The following DLGAP4 variants were observed in gnomAD, a reference collection of about 807,000 sequenced individuals.
The protein encoded by DLGAP4 is DLG associated protein 4, also known as disks large-associated protein 4.
A neutral mutation model predicts 86.9 loss-of-function variants in DLGAP4; 18 were observed. That is an observed-to-expected ratio of 0.21 (90% CI 0.14 to 0.31). DLGAP4 has a LOEUF of 0.31. Ranked by LOEUF, DLGAP4 falls within the 10% of genes least tolerant of loss-of-function variation. The pLI is 1.00. For synonymous variants in DLGAP4, 548 were observed against 574.3 expected, an observed-to-expected ratio of 0.95 and a Z score of 0.65; for missense variants, 1,085 against 1,362.6, an observed-to-expected ratio of 0.80 and a Z score of 3.21.
chr20:36,499,524 G>A, intron 8 of DLGAP4, 64 bp from the exon 9 acceptor site: 1 of 1,515,590 alleles, frequency 6.6e-7, no homozygotes, highest in Non-Finnish European at 9.1e-7. Flanking sequence ...AGCAGCAAGT[G>A]TGGTGTTTGT....
chr20:36,446,585 G>A (rs1328035537), intron 6 of DLGAP4, 112 bp from the exon 7 acceptor site: 16 of 990,856 alleles, frequency 1.6e-5, no homozygotes, highest in Non-Finnish European at 1.0e-5. Flanking sequence ...GGGGTGGGCT[G>A]AGGTCAGACC....
chr20:36,376,903 C>T (rs189818579), intron 2 of DLGAP4, among the ~76,000 whole-genome samples: 32 of 152,246 alleles, frequency 2.1e-4, no homozygotes, highest in Non-Finnish European at 3.5e-4. Context: ...AGGTTCTCCA[C>T]GGTGCCTGGC....
intron 10 of DLGAP4, chr20:36,512,727 T>C (rs1379110724): frequency 6.6e-6 from 1 of 152,120 alleles, no homozygotes; most frequent in Non-Finnish European, 1.5e-5. Flanking sequence ...AGCAGAAACC[T>C]GAAGAGAGGG....
At chr20:36,476,070 G>T (rs1347112636) in intron 7 of DLGAP4, among the ~76,000 whole-genome samples, 1 of 151,914 alleles carries the variant, frequency 6.6e-6, no homozygotes, top group Non-Finnish European at 1.5e-5. Context: ...TGTTGGCCAG[G>T]CTGGTCTCAA....
chr20:36,411,971 T>C (rs1392458787), intron 2 of DLGAP4, among the ~76,000 whole-genome samples: 1 of 152,234 alleles, frequency 6.6e-6, no homozygotes, highest in Non-Finnish European at 1.5e-5. Flanking sequence ...TATTAATCTC[T>C]GTCTTCACTG....
intron 10 of DLGAP4, among the ~76,000 whole-genome samples, chr20:36,513,229 T>G (rs114813040): frequency 0.011 from 1,686 of 151,948 alleles, 31 homozygotes; most frequent in African/African-American, 0.034. Context: ...CAGTTCTGAG[T>G]GCTGCAACTT....
chr20:36,314,365 T>TGGAGGGA, intron 1 of DLGAP4, among the ~76,000 whole-genome samples: 4 of 26 alleles, frequency 0.15, no homozygotes, highest in African/African-American at 0.5. Context: ...GTGTGGTGTG[T>TGGAGGGA]GTGTGGNNNN....
At chr20:36,421,719 G>A (rs1427106715) in intron 2 of DLGAP4, among the ~76,000 whole-genome samples, 3 of 152,056 alleles carry the variant, frequency 2.0e-5, no homozygotes, top group Non-Finnish European at 4.4e-5. Flanking sequence ...GGAGGATGAT[G>A]TTGTCATGAG....
At chr20:36,359,361 C>T (rs1379645015) in intron 1 of DLGAP4, among the ~76,000 whole-genome samples, 4 of 152,222 alleles carry the variant, frequency 2.6e-5, no homozygotes, top group South Asian at 4.1e-4. Flanking sequence ...ACGTGGCTCA[C>T]GGCCACCCTA....
At chr20:36,368,708 A>G (rs2030795180) in intron 2 of DLGAP4, among the ~76,000 whole-genome samples, 1 of 152,230 alleles carries the variant, frequency 6.6e-6, no homozygotes, top group South Asian at 2.1e-4. Context: ...TATTGTGCTC[A>G]AGGAATGCAA....
intron 7 of DLGAP4, among the ~76,000 whole-genome samples, chr20:36,450,392 G>A (rs2147586958): frequency 6.6e-6 from 1 of 152,298 alleles, no homozygotes; most frequent in East Asian, 1.9e-4. Context: ...CAGCTACTCA[G>A]GAGGCTGAGG....
At chr20:36,488,073 G>A (rs1600635171) in intron 7 of DLGAP4, among the ~76,000 whole-genome samples, 5 of 151,854 alleles carry the variant, frequency 3.3e-5, no homozygotes, top group South Asian at 2.1e-4. Context: ...GGTGGCGCGC[G>A]CCTATAATCC....
At chr20:36,325,969 C>A (rs2065212259) in intron 1 of DLGAP4, among the ~76,000 whole-genome samples, 1 of 152,104 alleles carries the variant, frequency 6.6e-6, no homozygotes, top group South Asian at 2.1e-4. Flanking sequence ...CCTCCCAGCT[C>A]GGCCTCCCAA....
intron 2 of DLGAP4, among the ~76,000 whole-genome samples, chr20:36,371,246 C>T (rs1569475647): frequency 2.0e-5 from 3 of 152,158 alleles, no homozygotes; most frequent in Non-Finnish European, 4.4e-5. Flanking sequence ...TGTCATGGAG[C>T]GGGGTAGTCT....
intron 11 of DLGAP4, among the ~76,000 whole-genome samples, chr20:36,525,027 G>T (rs2037621655): frequency 6.6e-6 from 1 of 151,140 alleles, no homozygotes; most frequent in Non-Finnish European, 1.5e-5. Context: ...GACCCTCCTG[G>T]CTAACACGGT....
intron 7 of DLGAP4, among the ~76,000 whole-genome samples, chr20:36,486,828 T>G (rs2035438753): frequency 6.6e-6 from 1 of 151,754 alleles, no homozygotes; most frequent in Non-Finnish European, 1.5e-5. Context: ...GCCAGGCTGG[T>G]CTCAAACTCC....
intron 10 of DLGAP4, chr20:36,511,043 A>G (rs939397454): frequency 6.6e-6 from 1 of 152,224 alleles, no homozygotes; most frequent in Non-Finnish European, 1.5e-5. Context: ...CTGGAAGTAG[A>G]GTAAGCTTAT....
chr20:36,471,386 C>T (rs984940203), intron 7 of DLGAP4, among the ~76,000 whole-genome samples: 2 of 152,056 alleles, frequency 1.3e-5, no homozygotes, highest in Admixed American at 6.6e-5. Context: ...CCCAGCTACT[C>T]AGGAGGCTGA....
At chr20:36,318,864 A>AG (rs2065137995) in intron 1 of DLGAP4, among the ~76,000 whole-genome samples, 1 of 152,208 alleles carries the variant, frequency 6.6e-6, no homozygotes, top group Non-Finnish European at 1.5e-5. Flanking sequence ...GCAAAACTGA[A>AG]GGCAGGCGCG....
Sources: gnomAD v4.1 joint callset for allele counts (sites outside exome capture counted in the v4.1 genomes callset) on GRCh38, gnomAD v4.1.1 for gene constraint, MANE v1.5 for transcripts, NCBI Gene and HGNC (gene_info 2026-07-23, HGNC 2026-07-21) for gene names.